The following PHACTR1 variants were observed in gnomAD, a reference collection of about 807,000 sequenced individuals.
The protein encoded by PHACTR1 is phosphatase and actin regulator 1, also known as RPEL repeat containing 1.
Under a neutral mutation model 69.2 loss-of-function variants are expected in PHACTR1, and 16 were observed. The ratio of observed to expected loss-of-function variants is 0.23; its 90% CI spans 0.16 to 0.35. PHACTR1 has a LOEUF of 0.35. PHACTR1 is among the 10% of genes least tolerant of loss of function. The probability of loss-of-function intolerance (pLI) is 1.00; values close to 1 mark genes in which losing one functional copy is unlikely to be tolerated. For synonymous variants in PHACTR1, 312 were observed against 284.5 expected (o/e 1.10, Z -0.97); for missense variants, 510 against 734.7 (o/e 0.69, Z 3.54).
chr6:13,015,254 C>G (rs1800012332), intron 4 of PHACTR1, among the ~76,000 whole-genome samples: 1 of 152,138 alleles, frequency 6.6e-6, no homozygotes, highest in Admixed American at 6.5e-5. Context: ...GTCCTGCTAG[C>G]GTCATTATCG....
intron 4 of PHACTR1, among the ~76,000 whole-genome samples, chr6:12,993,793 G>C (rs934920865): frequency 6.6e-6 from 1 of 152,100 alleles, no homozygotes; most frequent in Admixed American, 6.5e-5. Context: ...AGCTAAAAGC[G>C]AACATATTTT....
intron 3 of PHACTR1, among the ~76,000 whole-genome samples, chr6:12,725,983 CT>C (rs1372591871): frequency 1.3e-5 from 2 of 151,908 alleles, no homozygotes; most frequent in Admixed American, 1.3e-4. Context: ...AAAATAGAAC[CT>C]CCTAACACTT....
In PHACTR1 at chr6:13,008,323, A is replaced by G. The variant is rs1026736006; in HGVS notation, c.251-45042A>G. ...AAAATATTTAATAACTAGACGTGCA[A>G]GAGTCAGAAAGAATATTCAATCTGT... On this transcript the variant is annotated intron_variant, in intron 4 of 14. Coordinates refer to ENST00000332995, the MANE Select transcript of PHACTR1 (RefSeq NM_030948.6). Among the ~76,000 whole-genome samples, 6 of 152,334 alleles carry G rather than the reference A, an allele frequency of 3.9e-5. No homozygotes were observed. The Middle Eastern group carries it at 0.01, about 259-fold the overall frequency.
chr6:13,049,769 A>G (rs989066733), intron 4 of PHACTR1, among the ~76,000 whole-genome samples: 2 of 152,226 alleles, frequency 1.3e-5, no homozygotes, highest in South Asian at 4.1e-4. Context: ...ATGGAGGAAA[A>G]AACTTGAATA....
rs1554187300 is a variant in PHACTR1 at position 13,283,493 on chromosome 6, G to A, written c.1581G>A (p.Glu527=). 5 of 1,613,832 alleles carry A rather than the reference G, an allele frequency of 3.1e-6. No individual in the cohort carries two copies. Among genetic ancestry groups the A allele is most frequent in the Non-Finnish European group, 4.2e-6 (5 of 1,179,880 alleles). ...KILIRFSDYV[E]VADAQDYDRR... ...TCATCCGCTTCAGTGACTACGTGGA[G>A]GTGGCTGACGCTCAGGACTATGACC... The change falls in exon 13 of 15, where the codon GAG becomes GAA. Residue 527 remains glutamate (E), a synonymous_variant. Transcript: ENST00000332995. The surrounding 1 kb of genome is among the most constrained non-coding windows in gnomAD (Gnocchi z 4.7).
intron 7 of PHACTR1, among the ~76,000 whole-genome samples, chr6:13,188,157 C>T (rs1464656489): frequency 6.6e-6 from 1 of 152,182 alleles, no homozygotes; most frequent in Non-Finnish European, 1.5e-5. Flanking sequence ...AAGCTAATAT[C>T]CTTACTATGT....
At chr6:13,000,467 G>A (rs1210050020) in intron 4 of PHACTR1, among the ~76,000 whole-genome samples, 1 of 152,042 alleles carries the variant, frequency 6.6e-6, no homozygotes, top group Non-Finnish European at 1.5e-5. Context: ...AGGATCTCTC[G>A]AGCTCAGGAG....
intron 5 of PHACTR1, among the ~76,000 whole-genome samples, chr6:13,108,719 A>G (rs1255891968): frequency 6.6e-6 from 1 of 151,878 alleles, no homozygotes; most frequent in African/African-American, 2.4e-5. Flanking sequence ...CCATTCTTTT[A>G]CTTTTAACCA....
At chr6:13,122,589 A>G (rs1369881820) in intron 5 of PHACTR1, among the ~76,000 whole-genome samples, 3 of 152,238 alleles carry the variant, frequency 2.0e-5, no homozygotes, top group African/African-American at 7.2e-5. Context: ...TTTTAGTGAC[A>G]GTTGTTGAAA....
At chr6:13,154,462 G>A (rs1006639348) in intron 5 of PHACTR1, among the ~76,000 whole-genome samples, 8 of 152,016 alleles carry the variant, frequency 5.3e-5, no homozygotes, top group Admixed American at 3.3e-4. Context: ...CCAGCCTGCC[G>A]TGTATTTTAA....
intron 4 of PHACTR1, among the ~76,000 whole-genome samples, chr6:12,859,915 C>T (rs1007961474): frequency 2.0e-5 from 3 of 152,020 alleles, no homozygotes; most frequent in Non-Finnish European, 2.9e-5. Flanking sequence ...TAGAGCTAGG[C>T]GGCACCAACC....
intron 4 of PHACTR1, among the ~76,000 whole-genome samples, chr6:12,802,810 C>T (rs1161804546): frequency 6.6e-6 from 1 of 152,108 alleles, no homozygotes; most frequent in African/African-American, 2.4e-5. Context: ...ATGGAAAGCC[C>T]CTTGGCACCC....
chr6:12,798,478 C>T (rs1461009057), intron 4 of PHACTR1, among the ~76,000 whole-genome samples: 1 of 152,142 alleles, frequency 6.6e-6, no homozygotes, highest in Non-Finnish European at 1.5e-5. Context: ...AAAGGCATTC[C>T]AGACTCAAGG....
intron 8 of PHACTR1, among the ~76,000 whole-genome samples, chr6:13,211,092 T>C (rs914546476): frequency 6.6e-6 from 1 of 152,178 alleles, no homozygotes; most frequent in Non-Finnish European, 1.5e-5. Flanking sequence ...TTAGTGACCC[T>C]GTTGTGGAAC....
At chr6:13,232,122 A>G (rs1439757062) in intron 10 of PHACTR1, among the ~76,000 whole-genome samples, 4 of 152,226 alleles carry the variant, frequency 2.6e-5, no homozygotes, top group Admixed American at 6.5e-5. Context: ...GTGAAAATTA[A>G]GCAAGTTAAT....
In PHACTR1 at chr6:12,990,370, C is replaced by G. The variant is rs563113953; in HGVS notation, c.251-62995C>G. Among the ~76,000 whole-genome samples, 7 of 152,310 alleles carry G rather than the reference C, an allele frequency of 4.6e-5. No homozygotes were observed. In the East Asian group the frequency reaches 1.4e-3, roughly 29 times the overall value. On this transcript the variant is annotated intron_variant, in intron 4 of 14. Transcript: ENST00000332995. ...GGCCCTGTTGAGACTGAAGAGTACC[C>G]TTGACCTTTTCATGGGCAGGAACTG...
At chr6:13,248,701 T>C (rs377394837) in intron 10 of PHACTR1, among the ~76,000 whole-genome samples, 51 of 152,276 alleles carry the variant, frequency 3.3e-4, no homozygotes, top group African/African-American at 1.1e-3. Flanking sequence ...ATAACTCATA[T>C]TGGGAGAAGC....
At chr6:13,043,385 C>CATGT in intron 4 of PHACTR1, among the ~76,000 whole-genome samples, 2 of 151,992 alleles carry the variant, frequency 1.3e-5, no homozygotes, top group African/African-American at 4.8e-5. Context: ...GGAGATAGAG[C>CATGT]CACTGAACTC....
intron 4 of PHACTR1, among the ~76,000 whole-genome samples, chr6:12,962,834 T>C (rs1792922221): frequency 6.6e-6 from 1 of 152,204 alleles, no homozygotes; most frequent in South Asian, 2.1e-4. Flanking sequence ...GGAAGATTGA[T>C]CCTGTCATCC....
Sources: allele counts gnomAD v4.1 joint callset (sites outside exome capture counted in the v4.1 genomes callset), GRCh38; gene constraint gnomAD v4.1.1; non-coding constraint Gnocchi (gnomAD v3.1); transcripts MANE v1.5; gene names NCBI Gene and HGNC (gene_info 2026-07-23, HGNC 2026-07-21).